The following LRRIQ1 variants were observed in gnomAD, a reference collection of about 807,000 sequenced individuals.
LRRIQ1 encodes the protein leucine-rich repeat- and IQ domain-containing protein 1.
In LRRIQ1, 210 loss-of-function variants were observed where a neutral mutation model predicts 211.9. The ratio of observed to expected loss-of-function variants is 0.99; its 90% CI spans 0.89 to 1.11. The LOEUF is 1.11. Among genes scored for constraint, LRRIQ1 ranks in the 50% most tolerant of loss-of-function variants. The pLI is 0.00. For synonymous variants in LRRIQ1, 699 were observed against 650.1 expected, an observed-to-expected ratio of 1.08 and a Z score of -1.14; for missense variants, 2,136 against 1,939.5, an observed-to-expected ratio of 1.10 and a Z score of -1.90.
intron 24 of LRRIQ1, among the ~76,000 whole-genome samples, chr12:85,215,127 TAA>T (rs1317849828): frequency 6.6e-6 from 1 of 151,942 alleles, no homozygotes; most frequent in Admixed American, 6.6e-5. Context: ...CACAAACAAA[TAA>T]ACAACAAAAG....
chr12:85,265,126 G>A (rs1896394151), downstream of LRRIQ1, among the ~76,000 whole-genome samples: 1 of 151,984 alleles, frequency 6.6e-6, no homozygotes, highest in Non-Finnish European at 1.5e-5. Flanking sequence ...CTGTGTCTGT[G>A]TAATACTGAC....
At chr12:85,262,009 C>G (rs573096007) in intron 1 of LRRIQ1, among the ~76,000 whole-genome samples, 1 of 151,958 alleles carries the variant, frequency 6.6e-6, no homozygotes, top group African/African-American at 2.4e-5. Context: ...AGGCTGGTCT[C>G]GAACTCCTGA....
intron 11 of LRRIQ1, among the ~76,000 whole-genome samples, chr12:85,093,963 G>A (rs544137369): frequency 1.3e-5 from 2 of 152,168 alleles, no homozygotes; most frequent in Non-Finnish European, 2.9e-5. Context: ...AATAAGCCAG[G>A]TGAATTGACT....
intron 24 of LRRIQ1, among the ~76,000 whole-genome samples, chr12:85,220,003 T>C (rs897492359): frequency 2.6e-5 from 4 of 152,170 alleles, no homozygotes; most frequent in African/African-American, 9.6e-5. Flanking sequence ...GCTTTATTTG[T>C]GAGGTATAAT....
downstream of LRRIQ1, among the ~76,000 whole-genome samples, chr12:85,267,382 C>A (rs1896443668): frequency 6.6e-6 from 1 of 151,708 alleles, no homozygotes; most frequent in Non-Finnish European, 1.5e-5. Context: ...CCATATTAGC[C>A]CCTAAAATTA....
At position 85,186,823 on chromosome 12, in the gene LRRIQ1, C is replaced by T. The variant is rs910375258; in HGVS notation, c.4822+26109C>T. Reference sequence around the variant, plus strand: ...TCAGAGAAGTGCACACCTCTTCCATCCCTCATCCCCTTAATCCTACAATAT... The same window carrying T: ...TCAGAGAAGTGCACACCTCTTCCATTCCTCATCCCCTTAATCCTACAATAT... On this transcript the variant is annotated intron_variant, in intron 24 of 26. Coordinates refer to ENST00000393217, the MANE Select transcript of LRRIQ1 (RefSeq NM_001079910.2). 5.9e-5 allele frequency among the ~76,000 whole-genome samples: 9 copies of T among 151,952 alleles called. No homozygotes were observed. The South Asian group carries it at 1.9e-3, about 32-fold the overall frequency.
chr12:85,056,972 T>G lies in LRRIQ1; in HGVS notation c.2179T>G (p.Cys727Gly), dbSNP rs1434029590. 4 of 1,611,126 alleles carry G rather than the reference T, an allele frequency of 2.5e-6. No individual in the cohort carries two copies. The highest frequency in any genetic ancestry group is 3.4e-5 in the Admixed American group (2 of 59,528). The change falls in exon 8 of 27, where the codon TGC becomes GGC. Residue 727 changes from cysteine (C) to glycine (G), a missense_variant. Cys to Gly is a radical substitution (Grantham distance 159). Coordinates refer to ENST00000393217, the MANE Select transcript of LRRIQ1 (RefSeq NM_001079910.2). ...ENAPEPDSMTCCVSESTLLYS... is the reference protein window; with the variant it reads ...ENAPEPDSMTGCVSESTLLYS... Reference sequence around the variant, plus strand: ...TGCACCTGAACCTGATAGCATGACCTGCTGTGTATCAGAGTCAACCCTTCT... The same window carrying G: ...TGCACCTGAACCTGATAGCATGACCGGCTGTGTATCAGAGTCAACCCTTCT...
intron 24 of LRRIQ1, among the ~76,000 whole-genome samples, chr12:85,217,348 T>C (rs565179292): frequency 6.7e-6 from 1 of 150,312 alleles, no homozygotes; most frequent in South Asian, 2.1e-4. Flanking sequence ...AAATAAAAGT[T>C]GTAAAGGAAA....
chr12:85,267,514 C>G (rs1456919860), downstream of LRRIQ1, among the ~76,000 whole-genome samples: 1 of 151,976 alleles, frequency 6.6e-6, no homozygotes, highest in African/African-American at 2.4e-5. Flanking sequence ...TAAATTAATA[C>G]TTTAAACTTT....
At chr12:85,111,608 A>G (rs359992) in intron 15 of LRRIQ1, among the ~76,000 whole-genome samples, 90,656 of 151,956 alleles carry the variant, frequency 0.6, 29,336 homozygotes, top group African/African-American at 0.86. Context: ...GAAAATATTA[A>G]CTATTGTTTT....
At chr12:85,216,166 CT>C (rs1421203152) in intron 24 of LRRIQ1, among the ~76,000 whole-genome samples, 1 of 152,150 alleles carries the variant, frequency 6.6e-6, no homozygotes, top group African/African-American at 2.4e-5. Flanking sequence ...TGCTATCCCT[CT>C]CCTACCCCCG....
intron 15 of LRRIQ1, among the ~76,000 whole-genome samples, chr12:85,120,923 A>G (rs1887928940): frequency 6.6e-6 from 1 of 151,272 alleles, no homozygotes; most frequent in African/African-American, 2.4e-5. Flanking sequence ...TCACAGCATT[A>G]GTTTTTGTTT....
intron 24 of LRRIQ1, among the ~76,000 whole-genome samples, chr12:85,185,778 G>A (rs1157014): frequency 2.9e-4 from 44 of 151,816 alleles, no homozygotes; most frequent in African/African-American, 9.6e-4. Flanking sequence ...TTTGCTCTTT[G>A]ATTTAAATGA....
intron 18 of LRRIQ1, among the ~76,000 whole-genome samples, chr12:85,130,964 C>CT (rs1025721007): frequency 2.6e-5 from 4 of 151,700 alleles, no homozygotes; most frequent in African/African-American, 9.7e-5. Context: ...GATCCCAACA[C>CT]TTTGAGAGGC....
At chr12:85,179,179 T>C (rs545972258) in intron 24 of LRRIQ1, among the ~76,000 whole-genome samples, 13 of 152,098 alleles carry the variant, frequency 8.5e-5, no homozygotes, top group Admixed American at 5.2e-4. Flanking sequence ...CCTGTGTCTG[T>C]TAATAGCATC....
chr12:85,204,977 A>G (rs977061275), intron 24 of LRRIQ1, among the ~76,000 whole-genome samples: 9 of 152,116 alleles, frequency 5.9e-5, no homozygotes, highest in African/African-American at 2.2e-4. Flanking sequence ...TCTCATCTCA[A>G]ATTGTACTCC....
downstream of LRRIQ1, among the ~76,000 whole-genome samples, chr12:85,245,344 A>G (rs967888251): frequency 6.6e-6 from 1 of 151,344 alleles, no homozygotes; most frequent in African/African-American, 2.4e-5. Context: ...AGCTTTAAAT[A>G]ATATTATACT....
In LRRIQ1 at chr12:85,232,741, A is replaced by T. The variant is rs1895003255; in HGVS notation, c.5001A>T (p.Gly1667=). 6.2e-7 allele frequency: 1 copy of T among 1,612,700 alleles called. No homozygotes were observed. The highest frequency in any genetic ancestry group is 1.7e-4 in the Middle Eastern group (1 of 6,054). Reference sequence around the variant, plus strand: ...TAGATCCAGATGTACTTAATGGTGGAAGAGTTCAGCTTGTGGTAAGAAATG... The same window carrying T: ...TAGATCCAGATGTACTTAATGGTGGTAGAGTTCAGCTTGTGGTAAGAAATG... ...PELDPDVLNG[G]RVQLVARLVS... The change falls in exon 26 of 27, where the codon GGA becomes GGT. Residue 1667 remains glycine (G), a synonymous_variant. Transcript: ENST00000393217.
At position 85,121,092 on chromosome 12, in the gene LRRIQ1, C is replaced by G. The variant is rs569806279; in HGVS notation, c.3378-605C>G. 1.1e-4 allele frequency among the ~76,000 whole-genome samples: 16 copies of G among 152,116 alleles called. No individual in the cohort carries two copies. In the East Asian group the frequency reaches 2.9e-3, roughly 28 times the overall value. On this transcript the variant is annotated intron_variant, in intron 15 of 26. Transcript: ENST00000393217. ...AAGTGATTCTCCTGCCTCAGCCTCCCGGCTAACTGGGATTACAGGTGCGCA... is the reference window on the plus strand; with the variant it reads ...AAGTGATTCTCCTGCCTCAGCCTCCGGGCTAACTGGGATTACAGGTGCGCA...
Sources: allele counts gnomAD v4.1 joint callset (sites outside exome capture counted in the v4.1 genomes callset), GRCh38; gene constraint gnomAD v4.1.1; transcripts MANE v1.5; gene names NCBI Gene and HGNC (gene_info 2026-07-23, HGNC 2026-07-21).